MKLN1: variants seen among roughly 807,000 people sequenced by gnomAD.
MKLN1 encodes the protein muskelin.
In MKLN1, 18 loss-of-function variants were observed where a neutral mutation model predicts 99.0. That is an observed-to-expected ratio of 0.18 (90% confidence interval 0.13 to 0.27). MKLN1 has a LOEUF of 0.27. Among genes scored for constraint, MKLN1 ranks in the 10% least tolerant of loss-of-function variants. The pLI is 1.00. For synonymous variants in MKLN1, 288 were observed against 293.2 expected (o/e 0.98, Z 0.18); for missense variants, 621 against 875.9 (o/e 0.71, Z 3.67).
At chr7:131,122,227 T>C (rs1267262664) in intron 1 of MKLN1, among the ~76,000 whole-genome samples, 1 of 152,138 alleles carries the variant, frequency 6.6e-6, no homozygotes, top group Middle Eastern at 3.2e-3. Flanking sequence ...AGAAAGACAG[T>C]AGAATTTATG....
intron 8 of MKLN1, among the ~76,000 whole-genome samples, chr7:131,426,033 A>G (rs1795347635): frequency 6.6e-6 from 1 of 152,198 alleles, no homozygotes; most frequent in African/African-American, 2.4e-5. Context: ...CGATTCATTT[A>G]ATTTTACTAT....
intron 1 of MKLN1, among the ~76,000 whole-genome samples, chr7:131,373,313 T>G (rs2116840940): frequency 6.6e-6 from 1 of 152,208 alleles, no homozygotes; most frequent in South Asian, 2.1e-4. Flanking sequence ...ATTTTTTTTG[T>G]CCGTTTTCAT....
At chr7:131,354,398 T>C (rs1799811679) in intron 1 of MKLN1, among the ~76,000 whole-genome samples, 1 of 152,126 alleles carries the variant, frequency 6.6e-6, no homozygotes, top group African/African-American at 2.4e-5. Context: ...GTAAATTGTT[T>C]TGTGCTTTTA....
At chr7:131,294,631 G>C (rs1162840894) in intron 3 of MKLN1, among the ~76,000 whole-genome samples, 1 of 152,128 alleles carries the variant, frequency 6.6e-6, no homozygotes, top group African/African-American at 2.4e-5. Flanking sequence ...GGAGAGCTAG[G>C]GCTGAGGAAG....
intron 3 of MKLN1, among the ~76,000 whole-genome samples, chr7:131,248,213 G>GA (rs968668063): frequency 4.0e-5 from 6 of 151,436 alleles, no homozygotes; most frequent in African/African-American, 1.5e-4. Flanking sequence ...GACGTGAGAA[G>GA]AAAAAAAAGA....
At chr7:131,362,737 G>A (rs1338887159) in intron 1 of MKLN1, among the ~76,000 whole-genome samples, 2 of 151,498 alleles carry the variant, frequency 1.3e-5, no homozygotes, top group Non-Finnish European at 2.9e-5. Context: ...TTTTTGGGAG[G>A]AACTTTTAAA....
At chr7:131,370,944 G>C (rs1793424301) in intron 1 of MKLN1, among the ~76,000 whole-genome samples, 1 of 152,168 alleles carries the variant, frequency 6.6e-6, no homozygotes, top group African/African-American at 2.4e-5. Context: ...ATCAGCAGGA[G>C]TATCTTCAAG....
chr7:131,281,576 G>T (rs1347000735), intron 3 of MKLN1, among the ~76,000 whole-genome samples: 1 of 152,008 alleles, frequency 6.6e-6, no homozygotes, highest in Non-Finnish European at 1.5e-5. Flanking sequence ...AAAAAAAGTT[G>T]GGATTTTGAT....
At chr7:131,354,866 A>G (rs1484431077) in intron 1 of MKLN1, among the ~76,000 whole-genome samples, 1 of 152,154 alleles carries the variant, frequency 6.6e-6, no homozygotes, top group African/African-American at 2.4e-5. Flanking sequence ...TATAAAGCTC[A>G]TATTTCCCCC....
chr7:131,434,061 T>G (rs540802757), intron 9 of MKLN1, among the ~76,000 whole-genome samples: 15 of 152,166 alleles, frequency 9.9e-5, no homozygotes, highest in Non-Finnish European at 1.8e-4. Flanking sequence ...AATTTTTGTA[T>G]TTTTAGTAGA....
At chr7:131,385,109 G>A (rs75034730) in intron 2 of MKLN1, among the ~76,000 whole-genome samples, 3,200 of 152,118 alleles carry the variant, frequency 0.021, 104 homozygotes, top group African/African-American at 0.073. Flanking sequence ...ACTTGTTCTG[G>A]GTAAGTCAGA....
chr7:131,379,301 T>A (rs1793767062), intron 2 of MKLN1, among the ~76,000 whole-genome samples: 1 of 152,142 alleles, frequency 6.6e-6, no homozygotes, highest in South Asian at 2.1e-4. Context: ...TAGCAGAAAG[T>A]AAGATACTTT....
At position 131,414,695 on chromosome 7, in the gene MKLN1, A is replaced by T; in HGVS notation, c.832A>T (p.Ile278Phe). ...AATGAGAGGAGGCCATCAGATGGTTATTGATGTTCAAACAGGTGAGTAGCA... is the reference window on the plus strand; with the variant it reads ...AATGAGAGGAGGCCATCAGATGGTTTTTGATGTTCAAACAGGTGAGTAGCA... ...PGMRGGHQMV[I>F]DVQTETVYLF... Residue 278 changes from isoleucine (I) to phenylalanine (F), a missense_variant, in exon 8 of 18, where the codon ATT becomes TTT. Ile to Phe is a conservative substitution (Grantham distance 21, BLOSUM62 0). Transcript: ENST00000352689. 1 of 1,603,778 alleles carries T rather than the reference A, an allele frequency of 6.2e-7. No individual in the cohort carries two copies.
chr7:131,378,372 A>G (rs1018170894), intron 2 of MKLN1, among the ~76,000 whole-genome samples: 3 of 152,218 alleles, frequency 2.0e-5, no homozygotes, highest in Non-Finnish European at 4.4e-5. Context: ...TTGGCCACCC[A>G]AAGTGCTGGG....
chr7:131,418,246 G>C (rs891186657), intron 8 of MKLN1, among the ~76,000 whole-genome samples: 1 of 152,044 alleles, frequency 6.6e-6, no homozygotes, highest in Non-Finnish European at 1.5e-5. Context: ...GCAGGTGCCT[G>C]TAATCCCAGC....
intron 1 of MKLN1, among the ~76,000 whole-genome samples, chr7:131,123,387 C>T (rs1200154200): frequency 6.6e-6 from 1 of 152,178 alleles, no homozygotes; most frequent in African/African-American, 2.4e-5. Context: ...ATGAACCTGG[C>T]CATATTCCAA....
intron 3 of MKLN1, among the ~76,000 whole-genome samples, chr7:131,240,671 T>C (rs1797389373): frequency 6.6e-6 from 1 of 152,352 alleles, no homozygotes; most frequent in South Asian, 2.1e-4. Context: ...TTTGTCCTAA[T>C]AAAATATTCA....
chr7:131,286,464 T>C (rs1323878353), intron 3 of MKLN1, among the ~76,000 whole-genome samples: 2 of 152,114 alleles, frequency 1.3e-5, no homozygotes, highest in African/African-American at 2.4e-5. Flanking sequence ...CCCCAAGGAA[T>C]TGCCTCAGTA....
At chr7:131,414,953 T>C (rs966496502) in intron 8 of MKLN1, among the ~76,000 whole-genome samples, 11 of 152,180 alleles carry the variant, frequency 7.2e-5, no homozygotes, top group Non-Finnish European at 1.3e-4. Context: ...GTTGCACTTA[T>C]ATAGTAGAGT....
Sources: allele counts gnomAD v4.1 joint callset (sites outside exome capture counted in the v4.1 genomes callset), GRCh38; gene constraint gnomAD v4.1.1; transcripts MANE v1.5; gene names NCBI Gene and HGNC (gene_info 2026-07-23, HGNC 2026-07-21).